The following NPHP1 variants were observed in gnomAD, a reference collection of about 807,000 sequenced individuals.
NPHP1 encodes nephrocystin 1.
A neutral mutation model predicts 90.4 loss-of-function variants in NPHP1; 70 were observed. That is an observed-to-expected ratio of 0.77 (90% CI 0.64 to 0.95). NPHP1 has a LOEUF of 0.95. NPHP1 is among the 40% of genes least tolerant of loss of function. The pLI is 0.00. For missense variants in NPHP1, 764 were observed against 795.9 expected (o/e 0.96, Z 0.48); for synonymous variants, 256 against 271.7 (o/e 0.94, Z 0.57).
At chr2:110,174,559 T>C (rs925406958) in intron 4 of NPHP1, among the ~76,000 whole-genome samples, 1 of 152,194 alleles carries the variant, frequency 6.6e-6, no homozygotes, top group Admixed American at 6.5e-5. Context: ...ATATAGTCAG[T>C]CCTTGTAACA....
chr2:110,196,480 G>C (rs1685175191), intron 2 of NPHP1, among the ~76,000 whole-genome samples: 1 of 152,120 alleles, frequency 6.6e-6, no homozygotes, highest in African/African-American at 2.4e-5. Flanking sequence ...AGTTAGAATG[G>C]CGATCATTAA....
At chr2:110,169,656 G>A (rs909497886) in intron 5 of NPHP1, 150 bp downstream of exon 5, 1 of 653,864 alleles carries the variant, frequency 1.5e-6, no homozygotes, top group African/African-American at 1.8e-5. Context: ...TATTACTACT[G>A]CTTGTAAATT....
At chr2:110,150,115 T>C (rs1681352347) in intron 12 of NPHP1, 67 bp downstream of exon 12, 3 of 1,170,094 alleles carry the variant, frequency 2.6e-6, no homozygotes, top group African/African-American at 3.0e-5. Flanking sequence ...CTCTGTGCTA[T>C]TTATAGAAAT....
intron 18 of NPHP1, 78 bp downstream of exon 18, chr2:110,129,108 T>C (rs1679581729): frequency 1.5e-6 from 1 of 671,580 alleles, no homozygotes; most frequent in South Asian, 2.1e-5. Context: ...AAAAAAGGCC[T>C]AGACAGAACT....
At chr2:110,175,911 G>A (rs1397372257) in intron 4 of NPHP1, among the ~76,000 whole-genome samples, 2 of 151,770 alleles carry the variant, frequency 1.3e-5, no homozygotes, top group Non-Finnish European at 1.5e-5. Context: ...TTATTTTTGT[G>A]TATCAATTTG....
Position 110,123,703 on chromosome 2 carries a change from A to T in NPHP1, c.*88T>A. 7.5e-7 allele frequency: 1 copy of T among 1,336,144 alleles called. No homozygotes were observed. Among genetic ancestry groups the T allele is most frequent in the South Asian group, 1.2e-5 (1 of 83,710 alleles). The allele number at this position is 1,336,144 out of a possible 1,614,324, so 82.8% of individuals were successfully genotyped here. On this transcript the variant is annotated 3_prime_UTR_variant, in exon 20 of 20. Transcript: ENST00000445609. Reference sequence around the variant, plus strand: ...AGTAAAACCTAAGTTGTAAAGTGACAGTGATTTTTGGTTCCATCATTTTAT... The same window carrying T: ...AGTAAAACCTAAGTTGTAAAGTGACTGTGATTTTTGGTTCCATCATTTTAT...
At chr2:110,125,773 C>A in intron 18 of NPHP1, 92 bp from the exon 19 acceptor site, 1 of 1,064,364 alleles carries the variant, frequency 9.4e-7, no homozygotes, top group Non-Finnish European at 1.5e-6. Flanking sequence ...AACTTATGGA[C>A]AGGGTTAAAA....
At chr2:110,188,253 A>C (rs920615580) in intron 2 of NPHP1, among the ~76,000 whole-genome samples, 2 of 152,170 alleles carry the variant, frequency 1.3e-5, no homozygotes, top group Non-Finnish European at 2.9e-5. Context: ...ACATGATCCT[A>C]TATCTAGAAA....
intron 2 of NPHP1, among the ~76,000 whole-genome samples, chr2:110,187,657 C>A (rs541500197): frequency 3.3e-5 from 5 of 152,220 alleles, no homozygotes; most frequent in South Asian, 2.1e-4. Context: ...GGACTCCTCC[C>A]TAACTGATTG....
At chr2:110,184,179 C>A (rs1684115849) in intron 2 of NPHP1, 1 of 562,202 alleles carries the variant, frequency 1.8e-6, no homozygotes. Context: ...TGTGGGCCTA[C>A]CCATGCATAT....
chr2:110,125,172 G>C (rs949307413), intron 19 of NPHP1: 22 of 1,523,198 alleles, frequency 1.4e-5, no homozygotes, highest in Non-Finnish European at 8.7e-6. Flanking sequence ...GATGAGAGCA[G>C]TCAAACCACG....
At chr2:110,184,546 T>C (rs991130789) in intron 2 of NPHP1, 11 of 1,296,470 alleles carry the variant, frequency 8.5e-6, no homozygotes, top group Non-Finnish European at 1.1e-5. Context: ...GGGGATGGCA[T>C]CACCCATGCT....
intron 10 of NPHP1, 49 bp from the exon 11 acceptor site, chr2:110,160,304 A>G: frequency 1.4e-6 from 2 of 1,460,198 alleles, no homozygotes; most frequent in African/African-American, 1.4e-5. Flanking sequence ...GATTTCTAAC[A>G]CAAATCTGTC....
intron 2 of NPHP1, among the ~76,000 whole-genome samples, chr2:110,193,322 C>T (rs983999901): frequency 1.1e-4 from 16 of 151,854 alleles, no homozygotes; most frequent in Non-Finnish European, 2.1e-4. Context: ...ATCTACCAAG[C>T]AAATGGAAAA....
chr2:110,184,250 C>T, intron 2 of NPHP1: 1 of 581,726 alleles, frequency 1.7e-6, no homozygotes, highest in South Asian at 1.4e-5. Flanking sequence ...CCAAGGAGCA[C>T]CAAGGGCTGC....
intron 2 of NPHP1, among the ~76,000 whole-genome samples, chr2:110,199,770 T>C (rs1199834542): frequency 6.6e-6 from 1 of 152,124 alleles, no homozygotes; most frequent in African/African-American, 2.4e-5. Flanking sequence ...AACGAAATAA[T>C]CTTTTTGTAA....
At chr2:110,177,339 T>C (rs1683572227) in intron 4 of NPHP1, among the ~76,000 whole-genome samples, 1 of 152,166 alleles carries the variant, frequency 6.6e-6, no homozygotes, top group Non-Finnish European at 1.5e-5. Context: ...TTTCCCAGGA[T>C]ACAGTATAAA....
chr2:110,200,558 G>C (rs1388117623), intron 2 of NPHP1, among the ~76,000 whole-genome samples: 1 of 152,090 alleles, frequency 6.6e-6, no homozygotes, highest in Admixed American at 6.5e-5. Flanking sequence ...GTGAGATTTA[G>C]TCTCAAAAAA....
At chr2:110,135,884 C>T (rs1174312279) in intron 16 of NPHP1, among the ~76,000 whole-genome samples, 1 of 152,088 alleles carries the variant, frequency 6.6e-6, no homozygotes, top group Non-Finnish European at 1.5e-5. Flanking sequence ...TGGAAGAGAA[C>T]AGGATGAATG....
Sources: allele counts gnomAD v4.1 joint callset (sites outside exome capture counted in the v4.1 genomes callset), GRCh38; gene constraint gnomAD v4.1.1; transcripts MANE v1.5; gene names NCBI Gene and HGNC (gene_info 2026-07-23, HGNC 2026-07-21).